LIMCH1: variants seen among roughly 807,000 people sequenced by gnomAD.
The protein encoded by LIMCH1 is LIM and calponin homology domains-containing protein 1.
Under a neutral mutation model 176.5 loss-of-function variants are expected in LIMCH1, and 113 were observed. The ratio of observed to expected loss-of-function variants is 0.64; its 90% confidence interval spans 0.55 to 0.75. The LOEUF is 0.75. Ranked by LOEUF, LIMCH1 falls within the 30% of genes least tolerant of loss-of-function variation. LIMCH1 has a pLI of 0.00. For synonymous variants in LIMCH1, 619 were observed against 645.9 expected (o/e 0.96, Z 0.63); for missense variants, 1,674 against 1,814.9 (o/e 0.92, Z 1.41).
intron 1 of LIMCH1, among the ~76,000 whole-genome samples, chr4:41,593,757 A>C (rs1333590029): frequency 6.6e-6 from 1 of 152,262 alleles, no homozygotes; most frequent in Non-Finnish European, 1.5e-5. Context: ...GGTTACAACA[A>C]CAGTGTTGAA....
chr4:41,516,685 A>G (rs2075615165), intron 2 of LIMCH1, among the ~76,000 whole-genome samples: 1 of 152,226 alleles, frequency 6.6e-6, no homozygotes, highest in Non-Finnish European at 1.5e-5. Context: ...CCATGCTTAC[A>G]GTATAGATGA....
intron 1 of LIMCH1, among the ~76,000 whole-genome samples, chr4:41,589,663 G>T (rs1379073486): frequency 6.6e-6 from 1 of 152,076 alleles, no homozygotes; most frequent in African/African-American, 2.4e-5. Context: ...CGATGAACTT[G>T]TCCTCCTCTA....
At chr4:41,367,559 G>C (rs750616289) in intron 1 of LIMCH1, among the ~76,000 whole-genome samples, 27 of 151,866 alleles carry the variant, frequency 1.8e-4, no homozygotes, top group African/African-American at 6.3e-4. Flanking sequence ...AATCAAGGTC[G>C]GCTAGGTGCG....
chr4:41,531,268 T>C (rs2077253754), intron 3 of LIMCH1, among the ~76,000 whole-genome samples: 1 of 152,050 alleles, frequency 6.6e-6, no homozygotes, highest in East Asian at 1.9e-4. Flanking sequence ...GTGGCCTTTT[T>C]GAAAAAGGCA....
At chr4:41,583,337 C>G (rs1396956312) in intron 1 of LIMCH1, among the ~76,000 whole-genome samples, 1 of 152,184 alleles carries the variant, frequency 6.6e-6, no homozygotes, top group Non-Finnish European at 1.5e-5. Flanking sequence ...CCCTTCTCCT[C>G]TCTTCCCCCC....
intron 1 of LIMCH1, among the ~76,000 whole-genome samples, chr4:41,597,475 G>A (rs1351942056): frequency 6.6e-6 from 1 of 152,194 alleles, no homozygotes; most frequent in Non-Finnish European, 1.5e-5. Flanking sequence ...ACAACCTAAT[G>A]TCTTTAACAC....
chr4:41,688,566 A>G (rs971182056), intron 29 of LIMCH1, among the ~76,000 whole-genome samples: 5 of 152,176 alleles, frequency 3.3e-5, no homozygotes, highest in Admixed American at 6.5e-5. Context: ...GTCCCTCTGT[A>G]TCCTGCTGGT....
At chr4:41,654,223 T>G (rs73137328) in intron 18 of LIMCH1, among the ~76,000 whole-genome samples, 25,336 of 152,144 alleles carry the variant, frequency 0.17, 2,320 homozygotes, top group Middle Eastern at 0.3. Flanking sequence ...GTGCTTCGAA[T>G]TTTGAATTTT....
intron 2 of LIMCH1, among the ~76,000 whole-genome samples, chr4:41,517,376 T>G (rs1402187139): frequency 1.3e-5 from 2 of 152,204 alleles, no homozygotes; most frequent in Non-Finnish European, 1.5e-5. Flanking sequence ...AAGCAGTCTC[T>G]GCCACAGGTG....
In LIMCH1 at chr4:41,646,902, AG is replaced by A; in HGVS notation, c.2820+10del. On this transcript the variant is annotated intron_variant, in intron 17 of 31. Coordinates refer to ENST00000503057, the MANE Select transcript of LIMCH1 (RefSeq NM_001330672.2). ...TTCTGAAGACCTTTAAGGTAGGACA[AG>A]TTCCTTAAGAGTAGAACCAAAGCTG... The A allele has an allele frequency of 6.2e-7, 1 of 1,604,404 alleles. No homozygotes were observed. Among genetic ancestry groups the A allele is most frequent in the Non-Finnish European group, 8.5e-7 (1 of 1,172,264 alleles).
At chr4:41,621,104 C>G (rs2092543398) in intron 7 of LIMCH1, among the ~76,000 whole-genome samples, 1 of 152,250 alleles carries the variant, frequency 6.6e-6, no homozygotes, top group South Asian at 2.1e-4. Context: ...AAATGGGGAA[C>G]ACTCTCTTTA....
intron 1 of LIMCH1, among the ~76,000 whole-genome samples, chr4:41,402,673 G>C (rs1181781957): frequency 6.9e-6 from 1 of 144,118 alleles, no homozygotes; most frequent in Non-Finnish European, 1.5e-5. Flanking sequence ...CATGTCCTTT[G>C]TAGGGACATG....
intron 1 of LIMCH1, among the ~76,000 whole-genome samples, chr4:41,560,782 AC>A (rs2081968862): frequency 6.6e-6 from 1 of 152,064 alleles, no homozygotes; most frequent in Non-Finnish European, 1.5e-5. Flanking sequence ...ACTTTGGGAG[AC>A]CAAGGTAGAT....
rs575064287 is a variant in LIMCH1 at position 41,624,899 on chromosome 4, C to G, written c.726-1809C>G. 2.0e-5 allele frequency among the ~76,000 whole-genome samples: 3 copies of G among 152,266 alleles called. No individual in the cohort carries two copies. The South Asian group carries it at 6.2e-4, about 32-fold the overall frequency. On this transcript the variant is annotated intron_variant, in intron 7 of 31. Transcript: ENST00000503057. ...CCTCCTACCAAGAAAGCTAGCCTGC[C>G]TTTCTTTAGGTGAGGCTGTGCAGGA...
intron 13 of LIMCH1, among the ~76,000 whole-genome samples, chr4:41,636,833 G>A (rs2093613572): frequency 6.6e-6 from 1 of 152,148 alleles, no homozygotes; most frequent in East Asian, 1.9e-4. Flanking sequence ...AAACTCAAGA[G>A]TACATACTAT....
At position 41,631,305 on chromosome 4, in the gene LIMCH1, C is replaced by A. The variant is rs73135482; in HGVS notation, c.1429C>A (p.Leu477Ile). 150,555 of 1,535,896 alleles carry A rather than the reference C, an allele frequency of 0.098. 20,341 individuals are homozygous for A. The highest frequency in any genetic ancestry group is 0.66 in the African/African-American group (48,149 of 73,026). ...KFVHFGPVTE[L>I]DQQKWKRLSI... ...TGTGCACTTTGGGCCAGTGACGGAG[C>A]TAGATCAGCAGAAATGGAAGCGGCT... Residue 477 changes from leucine to isoleucine, a missense_variant, in exon 10 of 32, where the codon CTA becomes ATA. Leu to Ile is a conservative substitution (Grantham distance 5). Coordinates refer to ENST00000503057, the MANE Select transcript of LIMCH1 (RefSeq NM_001330672.2).
intron 1 of LIMCH1, among the ~76,000 whole-genome samples, chr4:41,494,328 T>C (rs188612058): frequency 2.7e-5 from 4 of 149,438 alleles, no homozygotes; most frequent in Middle Eastern, 3.5e-3. Context: ...CACATACATA[T>C]ATATACACAT....
At chr4:41,472,035 T>A (rs1249704395) in intron 1 of LIMCH1, among the ~76,000 whole-genome samples, 1 of 152,262 alleles carries the variant, frequency 6.6e-6, no homozygotes, top group Non-Finnish European at 1.5e-5. Flanking sequence ...AATTCCTTTA[T>A]GGTTTAAAAG....
At chr4:41,659,370 G>A (rs1193407006) in intron 18 of LIMCH1, among the ~76,000 whole-genome samples, 1 of 152,144 alleles carries the variant, frequency 6.6e-6, no homozygotes, top group Middle Eastern at 3.4e-3. Context: ...ATCTAATTAT[G>A]AGGATTTCAA....
Sources: gnomAD v4.1 joint callset for allele counts (sites outside exome capture counted in the v4.1 genomes callset) on GRCh38, gnomAD v4.1.1 for gene constraint, MANE v1.5 for transcripts, NCBI Gene and HGNC (gene_info 2026-07-23, HGNC 2026-07-21) for gene names.